Variants in RAB6A observed in about 807,000 individuals in gnomAD.
The protein encoded by RAB6A is ras-related protein Rab-6A.
In RAB6A, 8 loss-of-function variants were observed where a neutral mutation model predicts 32.3. The ratio of observed to expected loss-of-function variants is 0.25; its 90% CI spans 0.15 to 0.45. RAB6A has a LOEUF of 0.45. Among genes scored for constraint, RAB6A ranks in the 20% least tolerant of loss-of-function variants. The pLI, the probability that RAB6A is intolerant of heterozygous loss-of-function variation, is 1.00. For missense variants in RAB6A, 104 were observed against 249.4 expected (o/e 0.42, Z 3.93); for synonymous variants, 73 against 82.1 (o/e 0.89, Z 0.60).
chr11:73,732,674 C>T (rs1055660078), intron 1 of RAB6A, among the ~76,000 whole-genome samples: 2 of 152,104 alleles, frequency 1.3e-5, no homozygotes, highest in East Asian at 1.9e-4. Flanking sequence ...GCAACAGAAT[C>T]GCTTGAATCT....
At chr11:73,735,941 G>C (rs1352343476) in intron 1 of RAB6A, among the ~76,000 whole-genome samples, 15 of 55,762 alleles carry the variant, frequency 2.7e-4, no homozygotes, top group African/African-American at 8.1e-4. Context: ...AAAAAAAAGA[G>C]AGAGAGAGAC....
intron 2 of RAB6A, among the ~76,000 whole-genome samples, chr11:73,726,056 G>A (rs1181444602): frequency 6.6e-6 from 1 of 152,104 alleles, no homozygotes; most frequent in Non-Finnish European, 1.5e-5. Context: ...GAAGGCAGAG[G>A]TGGGCAGATC....
intron 1 of RAB6A, among the ~76,000 whole-genome samples, chr11:73,746,509 TA>T (rs1179221535): frequency 6.6e-6 from 1 of 151,558 alleles, no homozygotes; most frequent in Non-Finnish European, 1.5e-5. Context: ...CTCTGTCTCT[TA>T]AAAAAAACCA....
At chr11:73,690,502 C>T (rs1003883570) in intron 6 of RAB6A, among the ~76,000 whole-genome samples, 4 of 151,846 alleles carry the variant, frequency 2.6e-5, no homozygotes, top group Admixed American at 6.6e-5. Context: ...CCTCCTGCCT[C>T]AGCCTCCTGA....
intron 6 of RAB6A, among the ~76,000 whole-genome samples, chr11:73,684,851 T>C (rs1481684619): frequency 6.6e-6 from 1 of 152,202 alleles, no homozygotes; most frequent in Non-Finnish European, 1.5e-5. Flanking sequence ...GCACAGAATA[T>C]GTAAAATAAT....
At chr11:73,733,614 A>C (rs555022078) in intron 1 of RAB6A, among the ~76,000 whole-genome samples, 1 of 152,088 alleles carries the variant, frequency 6.6e-6, no homozygotes, top group African/African-American at 2.4e-5. Context: ...AAATTGTGGC[A>C]TAGTCATAAA....
At position 73,701,531 on chromosome 11, in the gene RAB6A, C is replaced by T. The variant is rs1402034056; in HGVS notation, c.495+5889G>A. On this transcript the variant is annotated intron_variant, in intron 6 of 7. Coordinates refer to ENST00000336083, the MANE Select transcript of RAB6A (RefSeq NM_198896.2). The stretch of plus-strand genomic sequence containing the variant: ...CTTTATCAGATATTTTAATTTTTAC[C>T]CCTATAAATTCAGTGCAGACTTTAG... Among the ~76,000 whole-genome samples, 3 of 152,266 alleles carry T rather than the reference C, an allele frequency of 2.0e-5. No homozygotes were observed. The South Asian group carries it at 6.2e-4, about 32-fold the overall frequency.
chr11:73,744,601 AC>A (rs1946555386), intron 1 of RAB6A, among the ~76,000 whole-genome samples: 1 of 151,618 alleles, frequency 6.6e-6, no homozygotes, highest in African/African-American at 2.4e-5. Flanking sequence ...AAGTCAACAT[AC>A]TTTTATAATT....
intron 1 of RAB6A, among the ~76,000 whole-genome samples, chr11:73,741,528 A>T (rs1946495634): frequency 1.3e-5 from 2 of 152,102 alleles, no homozygotes; most frequent in Non-Finnish European, 2.9e-5. Flanking sequence ...AAATCTGCAC[A>T]AGAAAAAAAA....
intron 6 of RAB6A, among the ~76,000 whole-genome samples, chr11:73,693,921 C>A (rs1945616181): frequency 6.6e-6 from 1 of 151,948 alleles, no homozygotes; most frequent in Non-Finnish European, 1.5e-5. Context: ...GGCCCTCCCC[C>A]ATCCTTATTT....
At chr11:73,732,358 G>A (rs58862453) in intron 1 of RAB6A, among the ~76,000 whole-genome samples, 15,770 of 151,936 alleles carry the variant, frequency 0.1, 896 homozygotes, top group South Asian at 0.27. Context: ...AGGCCGAGGC[G>A]GGCGGATCAC....
intron 6 of RAB6A, 71 bp downstream of exon 6, chr11:73,707,349 T>G: frequency 8.9e-7 from 1 of 1,126,648 alleles, no homozygotes; most frequent in Non-Finnish European, 1.3e-6. Context: ...AGGAAACCTA[T>G]ACACCAGAGA....
chr11:73,685,885 C>CAAAAGA, intron 6 of RAB6A, among the ~76,000 whole-genome samples: 1 of 103,028 alleles, frequency 9.7e-6, no homozygotes, highest in African/African-American at 4.5e-5. Flanking sequence ...AACTCCGTCT[C>CAAAAGA]AAAAAAAAAA....
At chr11:73,706,036 T>C (rs1202663958) in intron 6 of RAB6A, among the ~76,000 whole-genome samples, 2 of 152,110 alleles carry the variant, frequency 1.3e-5, no homozygotes, top group South Asian at 2.1e-4. Flanking sequence ...TATCAAACCA[T>C]GACCATGAAA....
At chr11:73,739,263 T>TATAAA (rs1946450875) in intron 1 of RAB6A, among the ~76,000 whole-genome samples, 1 of 9,378 alleles carries the variant, frequency 1.1e-4, no homozygotes, top group Admixed American at 2.3e-3. Flanking sequence ...TAATAATAAT[T>TATAAA]AAAAAAAAAA....
chr11:73,693,462 G>A (rs1348029078), intron 6 of RAB6A, among the ~76,000 whole-genome samples: 1 of 151,674 alleles, frequency 6.6e-6, no homozygotes, highest in Non-Finnish European at 1.5e-5. Context: ...AGTGGCTCAC[G>A]CCTGCAATCC....
intron 1 of RAB6A, among the ~76,000 whole-genome samples, chr11:73,731,892 C>T (rs938209385): frequency 6.6e-6 from 1 of 150,834 alleles, no homozygotes; most frequent in Non-Finnish European, 1.5e-5. Context: ...CAGGTGCACG[C>T]CACCATGCCG....
chr11:73,754,664 A>C (rs1257340275), intron 1 of RAB6A, among the ~76,000 whole-genome samples: 1 of 152,132 alleles, frequency 6.6e-6, no homozygotes, highest in Non-Finnish European at 1.5e-5. Context: ...CATGCCTGTA[A>C]TCCCAGCACT....
chr11:73,681,165 GAC>G (rs1435198601), intron 6 of RAB6A, among the ~76,000 whole-genome samples: 1 of 152,114 alleles, frequency 6.6e-6, no homozygotes, highest in African/African-American at 2.4e-5. Context: ...GTGTCTTTGA[GAC>G]ACAGAAATGA....
Sources: allele counts gnomAD v4.1 joint callset (sites outside exome capture counted in the v4.1 genomes callset), GRCh38; gene constraint gnomAD v4.1.1; transcripts MANE v1.5; gene names NCBI Gene and HGNC (gene_info 2026-07-23, HGNC 2026-07-21).